Variants in CNTN4 observed in about 807,000 individuals in gnomAD.
CNTN4 encodes contactin 4, also known as contactin-4.
CNTN4 carries 77 observed loss-of-function variants against 122.5 expected under a neutral mutation model. The observed-to-expected ratio is 0.63, with a 90% CI of 0.52 to 0.76. The LOEUF is 0.76. Ranked by LOEUF, CNTN4 falls within the 30% of genes least tolerant of loss-of-function variation. CNTN4 has a pLI of 0.00. For missense variants in CNTN4, 1,256 were observed against 1,259.1 expected, an observed-to-expected ratio of 1.00 and a Z score of 0.04; for synonymous variants, 512 against 447.0, an observed-to-expected ratio of 1.15 and a Z score of -1.83.
chr3:2,723,753 C>T (rs2088017826), intron 4 of CNTN4, among the ~76,000 whole-genome samples: 1 of 152,172 alleles, frequency 6.6e-6, no homozygotes, highest in Admixed American at 6.5e-5. Context: ...AACCATAGTG[C>T]TCAGCGTACC....
At chr3:2,933,651 T>G (rs531467328) in intron 13 of CNTN4, among the ~76,000 whole-genome samples, 3 of 151,980 alleles carry the variant, frequency 2.0e-5, no homozygotes, top group African/African-American at 7.3e-5. Context: ...TTCTGCCTCC[T>G]TCTTCCATTT....
intron 4 of CNTN4, among the ~76,000 whole-genome samples, chr3:2,701,470 A>G (rs914145689): frequency 1.3e-5 from 2 of 152,208 alleles, no homozygotes; most frequent in African/African-American, 4.8e-5. Context: ...GTGGGGTATC[A>G]TAGATGAAAG....
chr3:2,227,906 C>G (rs1312848291), intron 2 of CNTN4, among the ~76,000 whole-genome samples: 1 of 152,100 alleles, frequency 6.6e-6, no homozygotes, highest in Non-Finnish European at 1.5e-5. Flanking sequence ...GTTTAACAAA[C>G]ACTCAAAGTA....
At chr3:2,264,835 A>G (rs1241935964) in intron 2 of CNTN4, among the ~76,000 whole-genome samples, 2 of 152,040 alleles carry the variant, frequency 1.3e-5, no homozygotes, top group Middle Eastern at 3.2e-3. Context: ...TCTCCTGTAT[A>G]TAGTTTTCCC....
intron 4 of CNTN4, among the ~76,000 whole-genome samples, chr3:2,724,133 ACACT>A (rs1184405262): frequency 6.6e-6 from 1 of 152,266 alleles, no homozygotes; most frequent in East Asian, 1.9e-4. Context: ...AGTTTTGTAA[ACACT>A]CTTTTTTCAA....
At position 2,163,411 on chromosome 3, in the gene CNTN4, A is replaced by G. The variant is rs368862167; in HGVS notation, c.-145+62772A>G. 5.3e-5 allele frequency among the ~76,000 whole-genome samples: 8 copies of G among 152,292 alleles called. No individual in the cohort carries two copies. The East Asian group carries it at 1.5e-3, about 29-fold the overall frequency. On this transcript the variant is annotated intron_variant, in intron 2 of 24. Coordinates refer to ENST00000418658, the MANE Select transcript of CNTN4 (RefSeq NM_175607.3). ...AAACCATAGAAATTCTAGAAGATAC[A>G]TCAGAAAAACTCTTGTAGATATTGG...
intron 3 of CNTN4, among the ~76,000 whole-genome samples, chr3:2,340,626 G>A (rs1388552881): frequency 4.1e-5 from 6 of 147,200 alleles, no homozygotes; most frequent in Non-Finnish European, 4.5e-5. Flanking sequence ...GCTGCAACGA[G>A]TTGTTATTGC....
intron 14 of CNTN4, among the ~76,000 whole-genome samples, chr3:3,017,023 C>A (rs3967317): frequency 6.6e-6 from 1 of 152,132 alleles, no homozygotes; most frequent in Non-Finnish European, 1.5e-5. Flanking sequence ...CTGTGCCTCT[C>A]GGTATGAATC....
chr3:2,487,417 C>T (rs2076194036), intron 3 of CNTN4, among the ~76,000 whole-genome samples: 1 of 152,148 alleles, frequency 6.6e-6, no homozygotes, highest in Non-Finnish European at 1.5e-5. Context: ...CCCTTTCTAC[C>T]ATCCAACCAA....
At chr3:2,986,077 G>T (rs1330892813) in intron 13 of CNTN4, among the ~76,000 whole-genome samples, 1 of 151,958 alleles carries the variant, frequency 6.6e-6, no homozygotes, top group African/African-American at 2.4e-5. Flanking sequence ...AGCACACCTG[G>T]CTAATTTTTG....
intron 2 of CNTN4, among the ~76,000 whole-genome samples, chr3:2,123,894 A>G (rs946151637): frequency 1.3e-5 from 2 of 152,198 alleles, no homozygotes; most frequent in Non-Finnish European, 2.9e-5. Context: ...AAAGCAGTGA[A>G]GATGGTGCAT....
intron 4 of CNTN4, among the ~76,000 whole-genome samples, chr3:2,675,124 A>G (rs1405614392): frequency 6.9e-6 from 1 of 145,206 alleles, no homozygotes; most frequent in South Asian, 2.2e-4. Context: ...CTTACCACAT[A>G]TATATGTATT....
intron 6 of CNTN4, among the ~76,000 whole-genome samples, chr3:2,746,791 TTC>T (rs1231054720): frequency 2.0e-5 from 3 of 152,250 alleles, no homozygotes; most frequent in Non-Finnish European, 2.9e-5. Flanking sequence ...TCCAGGATTA[TTC>T]TGTTAGTGAA....
intron 12 of CNTN4, among the ~76,000 whole-genome samples, chr3:2,912,389 C>G (rs2094309983): frequency 6.6e-6 from 1 of 152,114 alleles, no homozygotes; most frequent in East Asian, 1.9e-4. Context: ...TAAACAAAAG[C>G]TGAATGAGTT....
At chr3:2,926,831 T>G (rs917711515) in intron 13 of CNTN4, among the ~76,000 whole-genome samples, 23 of 152,192 alleles carry the variant, frequency 1.5e-4, no homozygotes, top group African/African-American at 5.5e-4. Context: ...ATTAAATTTG[T>G]GGTATACATC....
rs745774077 is a variant in CNTN4 at position 2,385,925 on chromosome 3, C to T, written c.-89+46692C>T. 2.6e-5 allele frequency among the ~76,000 whole-genome samples: 4 copies of T among 152,060 alleles called. No individual in the cohort carries two copies. Among genetic ancestry groups the T allele is most frequent in the Non-Finnish European group, 5.9e-5 (4 of 68,042 alleles). On this transcript the variant is annotated intron_variant, in intron 3 of 24. Coordinates refer to ENST00000418658, the MANE Select transcript of CNTN4 (RefSeq NM_175607.3). The surrounding 1 kb of genome is among the most constrained non-coding windows in gnomAD (Gnocchi z 4.0). ...TCAATATTTGATAAATGAATGAATA[C>T]ATGCATTCTCACTCAGCAGTCGCTC...
At chr3:2,207,935 C>G (rs774231677) in intron 2 of CNTN4, among the ~76,000 whole-genome samples, 3 of 151,996 alleles carry the variant, frequency 2.0e-5, no homozygotes, top group African/African-American at 7.2e-5. Context: ...TCTAAAAATC[C>G]TAGGAATTAT....
intron 7 of CNTN4, among the ~76,000 whole-genome samples, chr3:2,827,612 G>A (rs956281811): frequency 2.6e-5 from 4 of 152,188 alleles, no homozygotes; most frequent in Non-Finnish European, 5.9e-5. Context: ...AATTGGTTAT[G>A]CTCTGGCATT....
intron 2 of CNTN4, among the ~76,000 whole-genome samples, chr3:2,163,124 A>G (rs1046363503): frequency 1.3e-5 from 2 of 152,230 alleles, no homozygotes; most frequent in Non-Finnish European, 2.9e-5. Flanking sequence ...TATAGTTACC[A>G]AATCAGCATG....
Sources: allele counts gnomAD v4.1 joint callset (sites outside exome capture counted in the v4.1 genomes callset), GRCh38; gene constraint gnomAD v4.1.1; non-coding constraint Gnocchi (gnomAD v3.1); transcripts MANE v1.5; gene names NCBI Gene and HGNC (gene_info 2026-07-23, HGNC 2026-07-21).